The following MAST4 variants were observed in gnomAD, a reference collection of about 807,000 sequenced individuals.
MAST4 encodes microtubule-associated serine/threonine-protein kinase 4.
In MAST4, 89 loss-of-function variants were observed where a neutral mutation model predicts 162.7. The ratio of observed to expected loss-of-function variants is 0.55; its 90% CI spans 0.46 to 0.65. The LOEUF is 0.65. Among genes scored for constraint, MAST4 ranks in the 30% least tolerant of loss-of-function variants. MAST4 has a pLI of 0.00. For missense variants in MAST4, 3,153 were observed against 3,374.0 expected, an observed-to-expected ratio of 0.93 and a Z score of 1.62; for synonymous variants, 1,479 against 1,361.1, an observed-to-expected ratio of 1.09 and a Z score of -1.91.
chr5:66,653,903 C>T (rs56027750), intron 1 of MAST4, among the ~76,000 whole-genome samples: 3,570 of 152,200 alleles, frequency 0.023, 74 homozygotes, highest in South Asian at 0.081. Flanking sequence ...AAAGGAGGAG[C>T]GTACCTGTTT....
rs1447197991 is a variant in MAST4, at chr5:67,164,950, G to C, written c.5771G>C (p.Ser1924Thr). 2.5e-6 allele frequency: 4 copies of C among 1,613,944 alleles called. 1 individual carries two copies. In the Admixed American group the frequency reaches 6.7e-5, roughly 27 times the overall value. ...AGCAATCCCCAACAGAGAGAGGGCA[G>C]CTCCCCTAAACACCAAGACCACACC... ...MESNPQQREG[S>T]SPKHQDHTTD... The change falls in exon 29 of 29, where the codon AGC becomes ACC. Residue 1924 changes from serine (S) to threonine (T), a missense_variant. Ser to Thr is a moderately conservative substitution (Grantham distance 58). This residue lies in a region of MAST4 where 1,644 missense variants were observed against 1,495.0 expected (regional missense o/e 1.10). Coordinates refer to ENST00000403625, the MANE Select transcript of MAST4 (RefSeq NM_001164664.2). The surrounding 1 kb of genome is among the most constrained non-coding windows in gnomAD (Gnocchi z 5.3).
rs1182534122 is a variant in MAST4 at position 66,641,121 on chromosome 5, A to G, written c.363+44103A>G. Among the ~76,000 whole-genome samples, 3 of 151,834 alleles carry G rather than the reference A, an allele frequency of 2.0e-5. No individual in the cohort carries two copies. In the East Asian group the frequency reaches 5.8e-4, roughly 29 times the overall value. ...ATTCAGTCAATGGACTGAATTTTGGATGTTCACCTCTTACTAGATATATGG... is the reference window on the plus strand; with the variant it reads ...ATTCAGTCAATGGACTGAATTTTGGGTGTTCACCTCTTACTAGATATATGG... On this transcript the variant is annotated intron_variant, in intron 1 of 28. Coordinates refer to ENST00000403625, the MANE Select transcript of MAST4 (RefSeq NM_001164664.2).
chr5:66,994,635 G>A (rs1309158491), intron 4 of MAST4, among the ~76,000 whole-genome samples: 1 of 152,082 alleles, frequency 6.6e-6, no homozygotes, highest in African/African-American at 2.4e-5. Context: ...TTGAATACAA[G>A]AATATTTCTA....
intron 4 of MAST4, among the ~76,000 whole-genome samples, chr5:67,011,846 G>T (rs1349341057): frequency 3.3e-5 from 5 of 152,228 alleles, no homozygotes; most frequent in Non-Finnish European, 7.3e-5. Flanking sequence ...GTGAGACAAG[G>T]GGGAGGGAGG....
At chr5:66,851,420 C>CTTAGTAACAAAT (rs1342172019) in intron 3 of MAST4, among the ~76,000 whole-genome samples, 1 of 152,210 alleles carries the variant, frequency 6.6e-6, no homozygotes, top group East Asian at 1.9e-4. Context: ...GAGGCAACCT[C>CTTAGTAACAAAT]TTAGTAACAA....
chr5:67,017,770 C>G (rs113518993), intron 4 of MAST4, among the ~76,000 whole-genome samples: 1 of 151,496 alleles, frequency 6.6e-6, no homozygotes, highest in Non-Finnish European at 1.5e-5. Flanking sequence ...AGCTAATTTT[C>G]GTGTTTTTAG....
chr5:66,732,442 T>C (rs935793864), intron 1 of MAST4, among the ~76,000 whole-genome samples: 5 of 152,166 alleles, frequency 3.3e-5, no homozygotes, highest in Admixed American at 2.6e-4. Flanking sequence ...CTGGAAGCCT[T>C]TGCTGACCCA....
chr5:66,923,170 T>C (rs530496029), intron 4 of MAST4, among the ~76,000 whole-genome samples: 27 of 152,314 alleles, frequency 1.8e-4, no homozygotes, highest in African/African-American at 6.3e-4. Flanking sequence ...TGCTCCCCAT[T>C]GTGGGGCCAC....
At position 67,145,360 on chromosome 5, in the gene MAST4, C is replaced by T. The variant is rs200728229; in HGVS notation, c.3075C>T (p.Ile1025=). 1.7e-4 allele frequency: 274 copies of T among 1,613,002 alleles called. No homozygotes were observed. Among genetic ancestry groups the T allele is most frequent in the African/African-American group, 6.7e-4 (50 of 75,012 alleles). ...AGGTCACCACCCCAGCCAGCACCATCAGCAGCTCCACCCTGTCAGGTAAGC... is the reference window on the plus strand; with the variant it reads ...AGGTCACCACCCCAGCCAGCACCATTAGCAGCTCCACCCTGTCAGGTAAGC... The part of the protein sequence containing the change: ...EPEVTTPAST[I]SSSTLSVGSF... The change falls in exon 23 of 29, where the codon ATC becomes ATT. Residue 1025 remains isoleucine (I), a synonymous_variant. Transcript: ENST00000403625.
intron 1 of MAST4, among the ~76,000 whole-genome samples, chr5:66,731,503 A>G (rs926815639): frequency 6.6e-6 from 1 of 150,798 alleles, no homozygotes; most frequent in Non-Finnish European, 1.5e-5. Flanking sequence ...ATACATACAG[A>G]AAAAGAAAAA....
At chr5:66,772,007 A>G (rs1754380722) in intron 2 of MAST4, among the ~76,000 whole-genome samples, 1 of 152,222 alleles carries the variant, frequency 6.6e-6, no homozygotes, top group Non-Finnish European at 1.5e-5. Flanking sequence ...TTATATGTGT[A>G]GCCCCTCAGA....
chr5:66,943,225 T>A (rs930492788), intron 4 of MAST4, among the ~76,000 whole-genome samples: 3 of 152,128 alleles, frequency 2.0e-5, no homozygotes, highest in Non-Finnish European at 4.4e-5. Context: ...CTTAATTTCA[T>A]TACCGGTGAA....
At position 66,624,445 on chromosome 5, in the gene MAST4, G is replaced by A. The variant is rs554170108; in HGVS notation, c.363+27427G>A. Among the ~76,000 whole-genome samples, 9 of 152,086 alleles carry A rather than the reference G, an allele frequency of 5.9e-5. 1 individual carries two copies. In the South Asian group the frequency reaches 1.0e-3, roughly 18 times the overall value. On this transcript the variant is annotated intron_variant, in intron 1 of 28. Coordinates refer to ENST00000403625, the MANE Select transcript of MAST4 (RefSeq NM_001164664.2). ...TGGGATTATAGGTGTGAGCCACAGCGCCCGGCCTGTTTAAATGTTTATACT... is the reference window on the plus strand; with the variant it reads ...TGGGATTATAGGTGTGAGCCACAGCACCCGGCCTGTTTAAATGTTTATACT...
At chr5:66,718,693 C>T (rs913681681) in intron 1 of MAST4, among the ~76,000 whole-genome samples, 2 of 152,188 alleles carry the variant, frequency 1.3e-5, no homozygotes, top group Non-Finnish European at 2.9e-5. Context: ...CCAAGTTTGT[C>T]TGGATGTGCT....
At chr5:66,645,685 A>G (rs1745785359) in intron 1 of MAST4, among the ~76,000 whole-genome samples, 1 of 152,224 alleles carries the variant, frequency 6.6e-6, no homozygotes, top group Admixed American at 6.5e-5. Flanking sequence ...TTGAAATCAC[A>G]CATAGTATTT....
At chr5:67,128,878 T>C (rs1200463373) in intron 14 of MAST4, among the ~76,000 whole-genome samples, 4 of 152,164 alleles carry the variant, frequency 2.6e-5, no homozygotes, top group Admixed American at 2.0e-4. Context: ...TGTTTGATCA[T>C]TGGAGATTTC....
At chr5:66,729,627 C>T (rs1466871662) in intron 1 of MAST4, among the ~76,000 whole-genome samples, 2 of 152,176 alleles carry the variant, frequency 1.3e-5, no homozygotes, top group African/African-American at 4.8e-5. Context: ...CTGGGATTCT[C>T]ATTCTGTCTA....
At position 67,022,273 on chromosome 5, in the gene MAST4, G is replaced by A. The variant is rs372820229; in HGVS notation, c.675-32131G>A. ...ATAGAGATTTCTATGCCAAAGTGAC[G>A]TGAACATGTTTATGAATCTTAATAC... On this transcript the variant is annotated intron_variant, in intron 4 of 28. Transcript: ENST00000403625. 7.9e-5 allele frequency among the ~76,000 whole-genome samples: 12 copies of A among 152,132 alleles called. No individual in the cohort carries two copies. In the East Asian group the frequency reaches 1.2e-3, roughly 15 times the overall value.
At chr5:67,091,029 T>A (rs1332385967) in intron 6 of MAST4, among the ~76,000 whole-genome samples, 4 of 151,670 alleles carry the variant, frequency 2.6e-5, no homozygotes, top group Admixed American at 2.6e-4. Context: ...ATAAACTCGG[T>A]TTATGGTCTG....
Sources: gnomAD v4.1 joint callset for allele counts (sites outside exome capture counted in the v4.1 genomes callset) on GRCh38, gnomAD v4.1.1 for gene constraint, gnomAD v4.1.1 regional missense constraint, Gnocchi (gnomAD v3.1) non-coding constraint, MANE v1.5 for transcripts, NCBI Gene and HGNC (gene_info 2026-07-23, HGNC 2026-07-21) for gene names.